The following YIPF7 variants were observed in gnomAD, a reference collection of about 807,000 sequenced individuals.
The protein encoded by YIPF7 is Yip1 domain family member 7, also known as protein YIPF7.
Under a neutral mutation model 27.2 loss-of-function variants are expected in YIPF7, and 35 were observed. That is an observed-to-expected ratio of 1.29 (90% CI 0.98 to 1.70). The LOEUF (loss-of-function observed/expected upper bound fraction) is 1.70. Ranked by LOEUF, YIPF7 falls within the 40% of genes most tolerant of loss-of-function variation. YIPF7 has a pLI of 0.00. For synonymous variants in YIPF7, 137 were observed against 110.4 expected (o/e 1.24, Z -1.51); for missense variants, 358 against 303.7 (o/e 1.18, Z -1.33).
chr4:44,650,188 T>G, intron 1 of YIPF7, 87 bp from the exon 2 acceptor site: 1 of 802,186 alleles, frequency 1.2e-6, no homozygotes, highest in Non-Finnish European at 2.1e-6. Flanking sequence ...GACAATGTGA[T>G]TATGGCTGAA....
chr4:44,627,003 C>T (rs1283085538), intron 4 of YIPF7, among the ~76,000 whole-genome samples: 3 of 151,366 alleles, frequency 2.0e-5, no homozygotes, highest in Admixed American at 6.6e-5. Context: ...AGGATGGTCT[C>T]GATCTCCTGA....
chr4:44,633,635 G>T (rs748220958), intron 3 of YIPF7, among the ~76,000 whole-genome samples: 2 of 151,924 alleles, frequency 1.3e-5, no homozygotes, highest in Non-Finnish European at 1.5e-5. Flanking sequence ...TACTAGAAAA[G>T]ATATGCTGGG....
intron 2 of YIPF7, among the ~76,000 whole-genome samples, chr4:44,657,109 A>T (rs1452348285): frequency 6.6e-6 from 1 of 152,202 alleles, no homozygotes; most frequent in African/African-American, 2.4e-5. Context: ...TGAAAATTTT[A>T]TTATGATCAG....
At chr4:44,652,686 G>A (rs778682270), upstream of YIPF7, among the ~76,000 whole-genome samples, 2 of 152,054 alleles carry the variant, frequency 1.3e-5, no homozygotes, top group Non-Finnish European at 2.9e-5. Context: ...TAGATGCCAG[G>A]GTTTCAGAAA....
At chr4:44,632,144 T>C (rs894638794) in intron 3 of YIPF7, among the ~76,000 whole-genome samples, 9 of 152,186 alleles carry the variant, frequency 5.9e-5, no homozygotes, top group Non-Finnish European at 8.8e-5. Context: ...CTGAAATAGA[T>C]CTCTATAATA....
At position 44,636,005 on chromosome 4, in the gene YIPF7, A is replaced by T; in HGVS notation, c.197T>A (p.Phe66Tyr). ...ATCTGAGTTGGATGCTGGCTGAAAA[A>T]ATTGTCCTGCGTAACCCGATGACAT... ...MLMSSGYAGQ[F>Y]FQPASNSDYY... The change falls in exon 3 of 6, where the codon TTT becomes TAT. Residue 66 changes from phenylalanine (F) to tyrosine (Y), a missense_variant. Coordinates refer to ENST00000415895, the MANE Select transcript of YIPF7 (RefSeq NM_182592.3). 1 of 1,613,930 alleles carries T rather than the reference A, an allele frequency of 6.2e-7. No individual in the cohort carries two copies. The highest frequency in any genetic ancestry group is 8.5e-7 in the Non-Finnish European group (1 of 1,179,844).
At chr4:44,657,893 C>T (rs1163464155) in intron 2 of YIPF7, among the ~76,000 whole-genome samples, 1 of 151,920 alleles carries the variant, frequency 6.6e-6, no homozygotes, top group Non-Finnish European at 1.5e-5. Context: ...GGAGTTGTGG[C>T]TTAGTGGGAT....
chr4:44,624,820 A>G (rs190942228), intron 4 of YIPF7, 38 bp from the exon 5 acceptor site: 45 of 1,535,140 alleles, frequency 2.9e-5, no homozygotes, highest in Admixed American at 2.2e-4. Flanking sequence ...TGAACACACA[A>G]TGGACACCGA....
At chr4:44,633,140 G>A (rs6813944) in intron 3 of YIPF7, among the ~76,000 whole-genome samples, 32,142 of 152,118 alleles carry the variant, frequency 0.21, 3,603 homozygotes, top group Middle Eastern at 0.35. Flanking sequence ...AAGTGGAAGA[G>A]TTTCATCTCA....
Position 44,622,445 on chromosome 4 carries a change from T to A in YIPF7, c.740A>T (p.Tyr247Phe). 1 of 1,613,542 alleles carries A rather than the reference T, an allele frequency of 6.2e-7. No individual in the cohort carries two copies. The highest frequency in any genetic ancestry group is 8.5e-7 in the Non-Finnish European group (1 of 1,179,710). The stretch of plus-strand genomic sequence containing the variant: ...AATTGTTAGGAGGGCAAAAAGTCCA[T>A]AAAGTATGGCACAAGGGTAGGCAAC... ...LLVAYPCAIL[Y>F]GLFALLTIF Residue 247 changes from tyrosine to phenylalanine, a missense_variant, in exon 6 of 6, where the codon TAT (tyrosine) becomes TTT (phenylalanine). Coordinates refer to ENST00000415895, the MANE Select transcript of YIPF7 (RefSeq NM_182592.3).
intron 2 of YIPF7, among the ~76,000 whole-genome samples, chr4:44,647,027 C>T (rs367841538): frequency 9.9e-5 from 15 of 152,254 alleles, no homozygotes; most frequent in African/African-American, 3.4e-4. Context: ...CCATGTTTTA[C>T]GTACCTCATA....
At chr4:44,627,348 T>G (rs1054562610) in intron 4 of YIPF7, among the ~76,000 whole-genome samples, 6 of 152,218 alleles carry the variant, frequency 3.9e-5, no homozygotes, top group Non-Finnish European at 8.8e-5. Flanking sequence ...AATTGTGTCT[T>G]ATGTCAACAT....
At chr4:44,658,353 C>A (rs1713956216) in intron 2 of YIPF7, among the ~76,000 whole-genome samples, 3 of 152,134 alleles carry the variant, frequency 2.0e-5, no homozygotes, top group Admixed American at 2.0e-4. Flanking sequence ...TATGCTGGCA[C>A]CCTGATCTCA....
intron 3 of YIPF7, 138 bp downstream of exon 3, chr4:44,635,784 G>A (rs1713092879): frequency 1.9e-6 from 2 of 1,037,974 alleles, no homozygotes; most frequent in Non-Finnish European, 2.7e-6. Context: ...AAGGGTTTTG[G>A]TTCAGCAAAC....
intron 3 of YIPF7, among the ~76,000 whole-genome samples, 199 bp downstream of exon 3, chr4:44,635,723 A>G (rs1021584675): frequency 2.6e-5 from 4 of 152,188 alleles, no homozygotes; most frequent in African/African-American, 9.7e-5. Flanking sequence ...AATATCTCAT[A>G]TCTGCACCCA....
chr4:44,647,665 T>C (rs1713575374), intron 2 of YIPF7, among the ~76,000 whole-genome samples: 1 of 152,118 alleles, frequency 6.6e-6, no homozygotes, highest in African/African-American at 2.4e-5. Context: ...GAGTGTGAAT[T>C]AGATACAATT....
At chr4:44,659,281 G>A (rs1713981205) in intron 2 of YIPF7, among the ~76,000 whole-genome samples, 1 of 151,676 alleles carries the variant, frequency 6.6e-6, no homozygotes, top group Non-Finnish European at 1.5e-5. Flanking sequence ...CAAAGTCAGA[G>A]TCAGGGAAAA....
intron 1 of YIPF7, among the ~76,000 whole-genome samples, chr4:44,650,962 G>C (rs1334102941): frequency 6.6e-6 from 1 of 152,086 alleles, no homozygotes; most frequent in African/African-American, 2.4e-5. Flanking sequence ...GGACAAATGT[G>C]GTTATTCAAC....
At chr4:44,627,156 A>G (rs959321857) in intron 4 of YIPF7, among the ~76,000 whole-genome samples, 3 of 151,914 alleles carry the variant, frequency 2.0e-5, no homozygotes, top group African/African-American at 2.4e-5. Context: ...GCTTTTTCAG[A>G]CCACACTCTT....
Sources: gnomAD v4.1 joint callset for allele counts (sites outside exome capture counted in the v4.1 genomes callset) on GRCh38, gnomAD v4.1.1 for gene constraint, MANE v1.5 for transcripts, NCBI Gene and HGNC (gene_info 2026-07-23, HGNC 2026-07-21) for gene names.